Variants in CMSS1 observed in about 807,000 individuals in gnomAD.
CMSS1 encodes the protein protein CMSS1.
CMSS1 carries 33 observed loss-of-function variants against 43.5 expected under a neutral mutation model. The ratio of observed to expected loss-of-function variants is 0.76; its 90% CI spans 0.57 to 1.01. The LOEUF (loss-of-function observed/expected upper bound fraction) is 1.01. CMSS1 is among the 50% of genes least tolerant of loss of function. The pLI is 0.00. For synonymous variants in CMSS1, 115 were observed against 117.2 expected, an observed-to-expected ratio of 0.98 and a Z score of 0.12; for missense variants, 313 against 326.4, an observed-to-expected ratio of 0.96 and a Z score of 0.32.
chr3:99,886,145 A>G (rs1294859168), intron 1 of CMSS1, among the ~76,000 whole-genome samples: 1 of 152,232 alleles, frequency 6.6e-6, no homozygotes. Flanking sequence ...GATGATTTAT[A>G]GATATAGAAG....
intron 1 of CMSS1, chr3:99,931,108 G>A (rs1335805618): frequency 2.1e-5 from 25 of 1,206,538 alleles, no homozygotes; most frequent in Non-Finnish European, 2.9e-5. Flanking sequence ...GCTTTAACAA[G>A]TCTACATTCT....
chr3:100,159,093 G>A (rs2067001185), intron 2 of CMSS1, among the ~76,000 whole-genome samples: 1 of 152,162 alleles, frequency 6.6e-6, no homozygotes, highest in African/African-American at 2.4e-5. Flanking sequence ...AGTGGCCTTG[G>A]CACAGTCTCT....
chr3:100,023,271 T>C (rs1262732156), intron 1 of CMSS1: 2 of 152,560 alleles, frequency 1.3e-5, no homozygotes, highest in Admixed American at 6.6e-5. Flanking sequence ...TGTTTTTCCA[T>C]AGTGCTTGTC....
chr3:100,104,003 C>T (rs1408497227), intron 1 of CMSS1, among the ~76,000 whole-genome samples: 2 of 152,194 alleles, frequency 1.3e-5, no homozygotes, highest in Non-Finnish European at 2.9e-5. Context: ...CGTCCTCTTA[C>T]CTTATTTGCT....
intron 1 of CMSS1, among the ~76,000 whole-genome samples, chr3:100,138,503 AC>A (rs1202604678): frequency 3.9e-5 from 6 of 152,222 alleles, no homozygotes; most frequent in Non-Finnish European, 8.8e-5. Flanking sequence ...CAAGAAAAAA[AC>A]AACCCCATCA....
intron 1 of CMSS1, chr3:99,930,025 C>G (rs755586670): frequency 1.2e-6 from 2 of 1,604,102 alleles, no homozygotes; most frequent in African/African-American, 1.3e-5. Flanking sequence ...GACCTCATCT[C>G]GAGCCTGTAG....
intron 1 of CMSS1, among the ~76,000 whole-genome samples, chr3:100,045,190 C>G (rs909611167): frequency 6.6e-6 from 1 of 152,196 alleles, no homozygotes. Context: ...CCTCTCGAAG[C>G]CTTAGTTGTT....
intron 1 of CMSS1, among the ~76,000 whole-genome samples, chr3:99,960,464 G>A (rs1488627122): frequency 6.6e-6 from 1 of 152,170 alleles, no homozygotes; most frequent in African/African-American, 2.4e-5. Context: ...AAAAATCAAA[G>A]ATTTTGAACA....
chr3:100,019,501 T>C (rs1335046563), intron 1 of CMSS1, among the ~76,000 whole-genome samples: 1 of 152,228 alleles, frequency 6.6e-6, no homozygotes, highest in Non-Finnish European at 1.5e-5. Flanking sequence ...TTTTTAGTGA[T>C]TTAATTTCTA....
Position 99,920,345 on chromosome 3 carries a change from T to C in CMSS1, c.64+102302T>C, listed in dbSNP as rs375169021. Among the ~76,000 whole-genome samples, 4 of 152,270 alleles carry C rather than the reference T, an allele frequency of 2.6e-5. No individual in the cohort carries two copies. In the East Asian group the frequency reaches 5.8e-4, roughly 22 times the overall value. On this transcript the variant is annotated intron_variant, in intron 1 of 9. Coordinates refer to ENST00000421999, the MANE Select transcript of CMSS1 (RefSeq NM_032359.4). ...GCTTTTTTGAAAGTACAGACAAAAT[T>C]GGCATTTCACTTATGGGAAAATTTT... is the stretch of plus-strand genomic sequence containing the variant.
chr3:99,924,253 G>C, intron 1 of CMSS1: 1 of 1,613,706 alleles, frequency 6.2e-7, no homozygotes, highest in East Asian at 2.2e-5. Flanking sequence ...GTTCTAGTAG[G>C]CATATGAATT....
intron 1 of CMSS1, among the ~76,000 whole-genome samples, chr3:100,134,390 TA>T (rs2066733335): frequency 6.6e-6 from 1 of 152,306 alleles, no homozygotes; most frequent in South Asian, 2.1e-4. Flanking sequence ...TCACAAAAAT[TA>T]AAGCTAAAAT....
chr3:100,166,140 T>A (rs951043792), intron 4 of CMSS1, among the ~76,000 whole-genome samples, 195 bp from the exon 5 acceptor site: 1 of 152,230 alleles, frequency 6.6e-6, no homozygotes, highest in Admixed American at 6.5e-5. Context: ...TATGGGCAGC[T>A]CCGTGACAGG....
chr3:100,075,062 T>G (rs1468222423), intron 1 of CMSS1, among the ~76,000 whole-genome samples: 2 of 100,538 alleles, frequency 2.0e-5, no homozygotes, highest in African/African-American at 6.0e-5. Flanking sequence ...ATTGCTTATA[T>G]TTTTTTAGGA....
chr3:99,950,575 T>C (rs1279121749), intron 1 of CMSS1, among the ~76,000 whole-genome samples: 1 of 152,198 alleles, frequency 6.6e-6, no homozygotes, highest in African/African-American at 2.4e-5. Flanking sequence ...ATAGTATACT[T>C]GAAGTTTTAA....
intron 1 of CMSS1, among the ~76,000 whole-genome samples, chr3:99,851,887 C>T (rs1367806022): frequency 6.6e-6 from 1 of 152,158 alleles, no homozygotes; most frequent in Non-Finnish European, 1.5e-5. Context: ...TGAGAGACAT[C>T]TGTATGGGTT....
At chr3:99,838,256 C>G (rs1164913497) in intron 1 of CMSS1, among the ~76,000 whole-genome samples, 1 of 152,222 alleles carries the variant, frequency 6.6e-6, no homozygotes, top group Non-Finnish European at 1.5e-5. Context: ...CTTCCCCGTG[C>G]CTGCCCATTT....
At chr3:99,918,753 A>G (rs1330683592) in intron 1 of CMSS1, among the ~76,000 whole-genome samples, 1 of 152,198 alleles carries the variant, frequency 6.6e-6, no homozygotes, top group African/African-American at 2.4e-5. Context: ...TAGGTCCAGC[A>G]TGTATGAACA....
At chr3:100,080,252 G>A (rs2107401333) in intron 1 of CMSS1, among the ~76,000 whole-genome samples, 1 of 151,986 alleles carries the variant, frequency 6.6e-6, no homozygotes, top group East Asian at 1.9e-4. Flanking sequence ...CAAAGTATTG[G>A]GATTACAAGC....
Sources: gnomAD v4.1 joint callset for allele counts (sites outside exome capture counted in the v4.1 genomes callset) on GRCh38, gnomAD v4.1.1 for gene constraint, MANE v1.5 for transcripts, NCBI Gene and HGNC (gene_info 2026-07-23, HGNC 2026-07-21) for gene names.